The following CUX1 variants were observed in gnomAD, a reference collection of about 807,000 sequenced individuals.
CUX1 encodes cut like homeobox 1, also known as protein CASP.
In CUX1, 31 loss-of-function variants were observed where a neutral mutation model predicts 158.8. That is an observed-to-expected ratio of 0.20 (90% CI 0.15 to 0.26). The LOEUF is 0.26. Ranked by LOEUF, CUX1 falls within the 10% of genes least tolerant of loss-of-function variation. The probability of loss-of-function intolerance (pLI) is 1.00; values close to 1 mark genes in which losing one functional copy is unlikely to be tolerated. For missense variants in CUX1, 1,589 were observed against 2,014.6 expected (o/e 0.79, Z 4.04); for synonymous variants, 879 against 862.1 (o/e 1.02, Z -0.34).
At chr7:102,007,754 T>A (rs537378739) in intron 2 of CUX1, among the ~76,000 whole-genome samples, 7 of 150,244 alleles carry the variant, frequency 4.7e-5, no homozygotes, top group Admixed American at 4.0e-4. Flanking sequence ...TTTTGTTTTG[T>A]TTTTTTTGAG....
intron 1 of CUX1, among the ~76,000 whole-genome samples, chr7:101,900,068 T>C (rs1801973341): frequency 6.6e-6 from 1 of 152,204 alleles, no homozygotes; most frequent in African/African-American, 2.4e-5. Context: ...CTGGACAGGA[T>C]GGGGTGATGC....
chr7:102,095,558 A>T (rs966768990), intron 4 of CUX1, among the ~76,000 whole-genome samples: 16 of 152,128 alleles, frequency 1.1e-4, no homozygotes, highest in African/African-American at 3.9e-4. Context: ...AGACGCTGGC[A>T]TCCTAAAGAG....
intron 2 of CUX1, among the ~76,000 whole-genome samples, chr7:102,006,849 G>C (rs1349000581): frequency 1.3e-5 from 2 of 152,246 alleles, no homozygotes; most frequent in Admixed American, 1.3e-4. Context: ...GCTGCTCCAT[G>C]CTGGGCGTGC....
intron 2 of CUX1, among the ~76,000 whole-genome samples, chr7:101,955,479 C>CT (rs1021976846): frequency 2.6e-5 from 4 of 152,158 alleles, no homozygotes; most frequent in Non-Finnish European, 5.9e-5. Flanking sequence ...AGAGAGTAAC[C>CT]GAGCTGGAGT....
intron 3 of CUX1, among the ~76,000 whole-genome samples, chr7:102,040,337 G>C (rs940451414): frequency 2.6e-5 from 4 of 152,200 alleles, no homozygotes; most frequent in Non-Finnish European, 4.4e-5. Context: ...AGCTGGGAAA[G>C]AGCAGCAGGA....
chr7:102,193,227 T>C (rs1262219353), intron 12 of CUX1, among the ~76,000 whole-genome samples: 8 of 152,256 alleles, frequency 5.3e-5, no homozygotes, highest in African/African-American at 1.9e-4. Flanking sequence ...TTACAACTTT[T>C]TCCTTCCCTT....
At chr7:101,987,556 C>G (rs1814487233) in intron 2 of CUX1, among the ~76,000 whole-genome samples, 2 of 152,256 alleles carry the variant, frequency 1.3e-5, no homozygotes, top group Admixed American at 1.3e-4. Flanking sequence ...ACCCCGGTGA[C>G]TCCGTGGGAC....
At chr7:102,061,010 C>T (rs887752123) in intron 3 of CUX1, among the ~76,000 whole-genome samples, 21 of 149,100 alleles carry the variant, frequency 1.4e-4, no homozygotes, top group Non-Finnish European at 2.7e-4. Context: ...CTGCAACCTC[C>T]GCCTCCAGGG....
intron 20 of CUX1, among the ~76,000 whole-genome samples, chr7:102,216,438 A>C (rs908636598): frequency 6.6e-6 from 1 of 151,854 alleles, no homozygotes; most frequent in Non-Finnish European, 1.5e-5. Context: ...AGAGAGCATG[A>C]CTTGGTAAGG....
At chr7:102,227,263 C>A in intron 20 of CUX1, 104 bp from the exon 21 acceptor site, 1 of 1,010,024 alleles carries the variant, frequency 9.9e-7, no homozygotes, top group Non-Finnish European at 1.5e-6. Flanking sequence ...CCGTCTGCTT[C>A]TCCTACAGAG....
intron 10 of CUX1, among the ~76,000 whole-genome samples, chr7:102,175,369 C>G (rs2131737345): frequency 6.6e-6 from 1 of 152,300 alleles, no homozygotes; most frequent in East Asian, 1.9e-4. Context: ...GGCCAGCACC[C>G]CTCAGGGTGG....
At chr7:101,824,751 T>C (rs547565555) in intron 1 of CUX1, 1 of 152,338 alleles carries the variant, frequency 6.6e-6, no homozygotes, top group South Asian at 2.1e-4. Context: ...TAAACAAGTA[T>C]TTCTACAGCT....
intron 1 of CUX1, among the ~76,000 whole-genome samples, chr7:101,912,126 C>T (rs962340433): frequency 2.0e-5 from 3 of 151,754 alleles, no homozygotes; most frequent in African/African-American, 7.3e-5. Flanking sequence ...AGCGGATACC[C>T]TCCTCTGTCT....
intron 14 of CUX1, among the ~76,000 whole-genome samples, chr7:102,266,160 T>C (rs875658): frequency 0.47 from 69,719 of 146,936 alleles, 16,744 homozygotes; most frequent in East Asian, 0.63. Flanking sequence ...GTTGAGATCA[T>C]GCCACTGCAC....
At chr7:101,819,266 A>G (rs2130882589) in intron 1 of CUX1, among the ~76,000 whole-genome samples, 1 of 152,326 alleles carries the variant, frequency 6.6e-6, no homozygotes, top group South Asian at 2.1e-4. Context: ...ACTGTTGTAT[A>G]AATTTGTCTT....
In CUX1 at chr7:102,248,952, G is replaced by A; in HGVS notation, c.4428G>A (p.Leu1476=). 1 of 1,487,198 alleles carries A rather than the reference G, an allele frequency of 6.7e-7. No homozygotes were observed. 92.1% of individuals were successfully genotyped at this position (1,487,198 alleles called of 1,614,324 possible). A position where few individuals can be genotyped will look rare whatever the true frequency, so the allele number is the denominator to read the frequency against. Residue 1476 remains leucine, a synonymous_variant, in exon 24 of 24, where the codon CTG becomes CTA. Transcript: ENST00000292535. This position sits in a 1 kb window ranked among gnomAD's most constrained non-coding sequence, Gnocchi z 5.8. ...AGARDSRDNP[L]RKKKAANLNS... Reference sequence around the variant, plus strand: ...CCCGGGACTCGCGCGACAACCCCCTGCGCAAGAAGAAGGCCGCGAACTTGA... The same window carrying A: ...CCCGGGACTCGCGCGACAACCCCCTACGCAAGAAGAAGGCCGCGAACTTGA...
intron 1 of CUX1, among the ~76,000 whole-genome samples, chr7:101,871,850 T>C (rs964376200): frequency 1.3e-5 from 2 of 151,998 alleles, no homozygotes; most frequent in African/African-American, 4.8e-5. Flanking sequence ...AAACCCCGTC[T>C]CTACTAAAAA....
intron 1 of CUX1, among the ~76,000 whole-genome samples, chr7:101,859,579 C>T (rs958779913): frequency 6.6e-6 from 1 of 152,156 alleles, no homozygotes; most frequent in Admixed American, 6.5e-5. Flanking sequence ...CAGGTATTGG[C>T]GGGTTTGATC....
chr7:102,168,903 C>A (rs1256607417), intron 9 of CUX1, among the ~76,000 whole-genome samples: 19 of 121,402 alleles, frequency 1.6e-4, no homozygotes, highest in African/African-American at 5.4e-4. Flanking sequence ...CTTTTCTTTT[C>A]TTTTCTTTTA....
Sources: gnomAD v4.1 joint callset for allele counts (sites outside exome capture counted in the v4.1 genomes callset) on GRCh38, gnomAD v4.1.1 for gene constraint, Gnocchi (gnomAD v3.1) non-coding constraint, MANE v1.5 for transcripts, NCBI Gene and HGNC (gene_info 2026-07-23, HGNC 2026-07-21) for gene names.